PDE11A: variants seen among roughly 807,000 people sequenced by gnomAD.
PDE11A encodes phosphodiesterase 11A, also known as dual 3',5'-cyclic-AMP and -GMP phosphodiesterase 11A.
In PDE11A, 100 loss-of-function variants were observed where a neutral mutation model predicts 100.5. That is an observed-to-expected ratio of 1.00 (90% CI 0.85 to 1.18). PDE11A has a LOEUF of 1.18. Among genes scored for constraint, PDE11A ranks in the 50% most tolerant of loss-of-function variants. PDE11A has a pLI of 0.00. For missense variants in PDE11A, 1,141 were observed against 1,152.6 expected (o/e 0.99, Z 0.15); for synonymous variants, 381 against 420.8 (o/e 0.91, Z 1.16).
rs566944811 is a variant in PDE11A, at chr2:177,720,698, G to A, written c.2043+6960C>T. ...AGGTTGTCTAATTATTCATGGGAAC[G>A]GGATAGTTTTGATTGAATTTGCTTA... On this transcript the variant is annotated intron_variant, in intron 12 of 19. Transcript: ENST00000286063. Among the ~76,000 whole-genome samples the A allele has an allele frequency of 1.5e-4, 23 of 152,240 alleles. No homozygotes were observed. In the South Asian group the frequency reaches 3.1e-3, roughly 21 times the overall value.
At chr2:178,030,986 T>C (rs963471766) in intron 1 of PDE11A, among the ~76,000 whole-genome samples, 9 of 152,312 alleles carry the variant, frequency 5.9e-5, no homozygotes, top group Non-Finnish European at 1.0e-4. Flanking sequence ...TCACTTTTTA[T>C]AACCAAGTTG....
intron 2 of PDE11A, among the ~76,000 whole-genome samples, chr2:178,082,253 A>AG (rs2087295443): frequency 6.6e-6 from 1 of 152,256 alleles, no homozygotes; most frequent in South Asian, 2.1e-4. Context: ...AGAAAGAAAC[A>AG]GAACAGTTTC....
chr2:177,669,004 C>G (rs575599103), intron 18 of PDE11A, among the ~76,000 whole-genome samples: 1 of 152,142 alleles, frequency 6.6e-6, no homozygotes, highest in African/African-American at 2.4e-5. Context: ...ATATAAATAG[C>G]GTTCAAATCA....
chr2:177,826,834 T>G (rs1558958339), intron 6 of PDE11A, among the ~76,000 whole-genome samples: 1 of 152,230 alleles, frequency 6.6e-6, no homozygotes, highest in Non-Finnish European at 1.5e-5. Flanking sequence ...CAATCTACCC[T>G]TCTTCTCAGG....
intron 10 of PDE11A, among the ~76,000 whole-genome samples, chr2:177,760,311 T>G (rs573277965): frequency 2.6e-5 from 4 of 152,218 alleles, no homozygotes; most frequent in Non-Finnish European, 5.9e-5. Flanking sequence ...TAGTGTATAG[T>G]TTTTATACTG....
At chr2:178,094,968 C>A (rs571930759) in intron 2 of PDE11A, among the ~76,000 whole-genome samples, 2 of 152,174 alleles carry the variant, frequency 1.3e-5, no homozygotes, top group Admixed American at 1.3e-4. Context: ...AGGTCCCTCC[C>A]TCCACACGTG....
intron 2 of PDE11A, among the ~76,000 whole-genome samples, chr2:177,949,942 T>C (rs10185973): frequency 0.032 from 4,946 of 152,280 alleles, 272 homozygotes; most frequent in African/African-American, 0.11. Context: ...ATTCCTCTTT[T>C]CATATTAATT....
rs74548960 is a variant in PDE11A, at chr2:177,656,989, C to T, written c.2646+6877G>A. Among the ~76,000 whole-genome samples the T allele has an allele frequency of 9.3e-3, 1,418 of 152,176 alleles. 20 individuals are homozygous for T. Among genetic ancestry groups the T allele is most frequent in the African/African-American group, 0.032 (1,333 of 41,526 alleles). On this transcript the variant is annotated intron_variant, in intron 19 of 19. Coordinates refer to ENST00000286063, the MANE Select transcript of PDE11A (RefSeq NM_016953.4). ...GGGTTTCCGAATGCTATACCGAGGACTTCGGAAGGTACCTTATAGATGGTG... is the reference window on the plus strand; with the variant it reads ...GGGTTTCCGAATGCTATACCGAGGATTTCGGAAGGTACCTTATAGATGGTG...
chr2:178,045,650 A>G, intron 1 of PDE11A, among the ~76,000 whole-genome samples: 1 of 152,218 alleles, frequency 6.6e-6, no homozygotes, highest in Middle Eastern at 3.2e-3. Flanking sequence ...AACTATCACT[A>G]CTGTCAGTAG....
intron 14 of PDE11A, among the ~76,000 whole-genome samples, chr2:177,699,709 T>A (rs1461120975): frequency 1.3e-5 from 2 of 152,178 alleles, no homozygotes; most frequent in Non-Finnish European, 2.9e-5. Flanking sequence ...AGAGCTCATT[T>A]GGAAAGTGGA....
At chr2:177,934,736 G>C (rs181823806) in intron 2 of PDE11A, among the ~76,000 whole-genome samples, 6 of 152,126 alleles carry the variant, frequency 3.9e-5, no homozygotes, top group Non-Finnish European at 8.8e-5. Flanking sequence ...ATTCAGCCTA[G>C]ATGCCCATCA....
At chr2:177,678,366 A>G (rs1313142340) in intron 16 of PDE11A, among the ~76,000 whole-genome samples, 2 of 152,210 alleles carry the variant, frequency 1.3e-5, no homozygotes, top group African/African-American at 4.8e-5. Flanking sequence ...CATTCTTAGA[A>G]TTAACTTACA....
intron 3 of PDE11A, among the ~76,000 whole-genome samples, chr2:177,899,052 C>G (rs946638850): frequency 1.3e-5 from 2 of 152,150 alleles, no homozygotes; most frequent in African/African-American, 2.4e-5. Flanking sequence ...GATCATATAA[C>G]CATTAGCTAC....
chr2:177,954,367 GAGGTCCTTTTC>G (rs1217075184), intron 2 of PDE11A, among the ~76,000 whole-genome samples: 1 of 152,182 alleles, frequency 6.6e-6, no homozygotes, highest in African/African-American at 2.4e-5. Context: ...GCCCAAGAGA[GAGGTCCTTTTC>G]AGGTTTATTG....
chr2:177,921,471 CAA>C (rs370144102), intron 2 of PDE11A, among the ~76,000 whole-genome samples: 31 of 98,340 alleles, frequency 3.2e-4, no homozygotes, highest in Admixed American at 3.2e-4. Context: ...CATCTAAAAG[CAA>C]AAAAAAAAAA....
chr2:177,793,976 T>G (rs1160052230), intron 9 of PDE11A, among the ~76,000 whole-genome samples: 1 of 152,166 alleles, frequency 6.6e-6, no homozygotes, highest in East Asian at 1.9e-4. Context: ...ATCAGCTATG[T>G]TTTAGGAACT....
intron 5 of PDE11A, among the ~76,000 whole-genome samples, chr2:177,861,642 G>A (rs1195179623): frequency 6.6e-6 from 1 of 151,842 alleles, no homozygotes; most frequent in Non-Finnish European, 1.5e-5. Flanking sequence ...AAAACAAAAA[G>A]TCAAAGGACT....
chr2:177,907,230 T>C (rs1427470091), intron 2 of PDE11A, among the ~76,000 whole-genome samples: 1 of 152,148 alleles, frequency 6.6e-6, no homozygotes, highest in Non-Finnish European at 1.5e-5. Flanking sequence ...TCATATAAGC[T>C]CTTGAACCTA....
chr2:178,023,748 A>G (rs1334376416), intron 1 of PDE11A, among the ~76,000 whole-genome samples: 4 of 152,234 alleles, frequency 2.6e-5, no homozygotes, highest in African/African-American at 7.2e-5. Flanking sequence ...TATTAATTCC[A>G]TAACACTTTC....
Sources: gnomAD v4.1 joint callset for allele counts (sites outside exome capture counted in the v4.1 genomes callset) on GRCh38, gnomAD v4.1.1 for gene constraint, MANE v1.5 for transcripts, NCBI Gene and HGNC (gene_info 2026-07-23, HGNC 2026-07-21) for gene names.